Variants in PLCH1 observed in about 807,000 individuals in gnomAD.
PLCH1 encodes the protein phospholipase C eta 1.
A neutral mutation model predicts 126.7 loss-of-function variants in PLCH1; 60 were observed. The observed-to-expected ratio is 0.47, with a 90% CI of 0.38 to 0.59. The LOEUF is 0.59. Among genes scored for constraint, PLCH1 ranks in the 20% least tolerant of loss-of-function variants. The pLI, the probability that PLCH1 is intolerant of heterozygous loss-of-function variation, is 0.00. For synonymous variants in PLCH1, 719 were observed against 734.9 expected, an observed-to-expected ratio of 0.98 and a Z score of 0.35; for missense variants, 1,723 against 2,040.0, an observed-to-expected ratio of 0.84 and a Z score of 2.99.
At chr3:155,465,730 C>T (rs761439713) in intron 21 of PLCH1, among the ~76,000 whole-genome samples, 1 of 152,090 alleles carries the variant, frequency 6.6e-6, no homozygotes, top group Non-Finnish European at 1.5e-5. Flanking sequence ...TGGACCTGCC[C>T]TGGGCCAGAG....
At chr3:155,491,959 T>C (rs1363608444) in intron 18 of PLCH1, among the ~76,000 whole-genome samples, 1 of 152,188 alleles carries the variant, frequency 6.6e-6, no homozygotes, top group Non-Finnish European at 1.5e-5. Context: ...CGACGAACAA[T>C]GAAGGAATAA....
At chr3:155,549,300 C>G (rs1725795332) in intron 10 of PLCH1, among the ~76,000 whole-genome samples, 1 of 152,198 alleles carries the variant, frequency 6.6e-6, no homozygotes, top group Non-Finnish European at 1.5e-5. Flanking sequence ...ATGTCTGTGC[C>G]TGTGTTCCTC....
Position 155,692,067 on chromosome 3 carries a change from G to A in PLCH1, c.79+12079C>T, listed in dbSNP as rs1369138281. Among the ~76,000 whole-genome samples, 4 of 151,894 alleles carry A rather than the reference G, an allele frequency of 2.6e-5. No homozygotes were observed. The East Asian group carries it at 7.7e-4, about 29-fold the overall frequency. On this transcript the variant is annotated intron_variant, in intron 2 of 22. Transcript: ENST00000460012. Reference sequence around the variant, plus strand: ...AATTAGTGCTCAAAGGTATATCTTTGTATCATGATATCATGTATCAATATA... The same window carrying A: ...AATTAGTGCTCAAAGGTATATCTTTATATCATGATATCATGTATCAATATA...
intron 19 of PLCH1, among the ~76,000 whole-genome samples, chr3:155,490,175 G>A (rs751489027): frequency 6.6e-6 from 1 of 151,846 alleles, no homozygotes; most frequent in Non-Finnish European, 1.5e-5. Context: ...AAGAGATTGA[G>A]GAAAAATAGG....
chr3:155,473,263 C>A (rs1225935905), intron 21 of PLCH1, among the ~76,000 whole-genome samples: 1 of 151,310 alleles, frequency 6.6e-6, no homozygotes, highest in Non-Finnish European at 1.5e-5. Flanking sequence ...ACAAAAATCA[C>A]AAGCATTCTT....
intron 21 of PLCH1, among the ~76,000 whole-genome samples, chr3:155,467,694 C>T (rs1331968659): frequency 1.3e-5 from 2 of 152,054 alleles, no homozygotes; most frequent in Non-Finnish European, 2.9e-5. Context: ...AGAGGCATGA[C>T]ATATTTAAAG....
chr3:155,614,609 G>A (rs1735556395), intron 2 of PLCH1, among the ~76,000 whole-genome samples: 1 of 152,156 alleles, frequency 6.6e-6, no homozygotes, highest in African/African-American at 2.4e-5. Flanking sequence ...GAACAGAATA[G>A]AGAACCCAGA....
chr3:155,521,207 T>G (rs1421350094), intron 11 of PLCH1, among the ~76,000 whole-genome samples: 1 of 152,202 alleles, frequency 6.6e-6, no homozygotes, highest in Admixed American at 6.5e-5. Flanking sequence ...ACACACTTTT[T>G]TCCTTTAGCA....
chr3:155,658,869 A>G (rs1349273618), intron 2 of PLCH1, among the ~76,000 whole-genome samples: 4 of 152,208 alleles, frequency 2.6e-5, no homozygotes, highest in Admixed American at 2.0e-4. Flanking sequence ...CTGCCTGCCA[A>G]AAGCAATCAC....
chr3:155,592,303 T>C (rs1577087728), intron 4 of PLCH1, among the ~76,000 whole-genome samples: 1 of 130,098 alleles, frequency 7.7e-6, no homozygotes, highest in Non-Finnish European at 1.6e-5. Flanking sequence ...GCTAACAGGG[T>C]GAAATGCTGC....
chr3:155,523,857 C>T, intron 11 of PLCH1, 40 bp downstream of exon 11: 1 of 1,137,118 alleles, frequency 8.8e-7, no homozygotes, highest in Non-Finnish European at 1.3e-6. Flanking sequence ...TTTAATACAG[C>T]ATATCAAGGA....
intron 2 of PLCH1, among the ~76,000 whole-genome samples, chr3:155,667,172 G>A (rs1002416652): frequency 3.3e-5 from 5 of 152,050 alleles, no homozygotes; most frequent in African/African-American, 2.4e-5. Context: ...TTAGCCAAAA[G>A]CTCAGCCACT....
At chr3:155,573,337 T>C (rs1344130863) in intron 6 of PLCH1, among the ~76,000 whole-genome samples, 7 of 152,228 alleles carry the variant, frequency 4.6e-5, no homozygotes, top group Admixed American at 4.6e-4. Context: ...ATTCATTCTC[T>C]ACTTCTGTGA....
At chr3:155,650,005 A>G (rs1462994366) in intron 2 of PLCH1, among the ~76,000 whole-genome samples, 1 of 151,934 alleles carries the variant, frequency 6.6e-6, no homozygotes, top group Non-Finnish European at 1.5e-5. Context: ...AATTAACAAG[A>G]CTCGGGGAGT....
At chr3:155,475,158 A>T (rs964555389), downstream of PLCH1, among the ~76,000 whole-genome samples, 8 of 152,058 alleles carry the variant, frequency 5.3e-5, no homozygotes, top group Non-Finnish European at 1.0e-4. Context: ...ATTAATAATG[A>T]GAAATTTTGG....
chr3:155,694,879 G>A (rs393081), intron 2 of PLCH1, among the ~76,000 whole-genome samples: 60,009 of 150,054 alleles, frequency 0.4, 12,719 homozygotes, highest in African/African-American at 0.53. Context: ...GAAGTCCTAT[G>A]CTGTTTGATT....
chr3:155,535,846 A>T (rs1053972611), intron 10 of PLCH1, among the ~76,000 whole-genome samples: 1 of 152,158 alleles, frequency 6.6e-6, no homozygotes, highest in African/African-American at 2.4e-5. Flanking sequence ...TGGCTGGAGG[A>T]TAACCAACAA....
chr3:155,604,392 T>A lies in PLCH1; in HGVS notation c.80-8014A>T, dbSNP rs80098172. Among the ~76,000 whole-genome samples the A allele has an allele frequency of 9.8e-3, 1,498 of 152,304 alleles. 31 individuals carry two copies. Among genetic ancestry groups the A allele is most frequent in the East Asian group, 0.086 (447 of 5,178 alleles). On this transcript the variant is annotated intron_variant, in intron 2 of 22. Coordinates refer to ENST00000460012, the MANE Select transcript of PLCH1 (RefSeq NM_014996.4). ...GTAGAGTTTGTTAATTTTTTTTCAT[T>A]GCCTAAATCATTCCTGTGGAGAAGA...
At chr3:155,564,390 C>T (rs149977329) in intron 8 of PLCH1, among the ~76,000 whole-genome samples, 2,704 of 151,964 alleles carry the variant, frequency 0.018, 88 homozygotes, top group African/African-American at 0.063. Flanking sequence ...GGTGAAACCC[C>T]GTCTCTACTA....
Sources: allele counts gnomAD v4.1 joint callset (sites outside exome capture counted in the v4.1 genomes callset), GRCh38; gene constraint gnomAD v4.1.1; transcripts MANE v1.5; gene names NCBI Gene and HGNC (gene_info 2026-07-23, HGNC 2026-07-21).